Variants in SHTN1 observed in about 807,000 individuals in gnomAD.
SHTN1 encodes the protein shootin-1.
In SHTN1, 42 loss-of-function variants were observed where a neutral mutation model predicts 83.1. That is an observed-to-expected ratio of 0.51 (90% CI 0.39 to 0.65). The LOEUF (loss-of-function observed/expected upper bound fraction) is 0.65. Ranked by LOEUF, SHTN1 falls within the 30% of genes least tolerant of loss-of-function variation. SHTN1 has a pLI of 0.00. For synonymous variants in SHTN1, 224 were observed against 247.7 expected (o/e 0.90, Z 0.90); for missense variants, 622 against 737.8 (o/e 0.84, Z 1.82).
intron 3 of SHTN1, among the ~76,000 whole-genome samples, chr10:116,964,944 C>A (rs965075338): frequency 3.3e-5 from 5 of 151,600 alleles, no homozygotes; most frequent in Non-Finnish European, 5.9e-5. Flanking sequence ...CCAGCCTGGG[C>A]AAAAAGAGCA....
At chr10:116,959,555 A>C (rs1194068903) in intron 4 of SHTN1, among the ~76,000 whole-genome samples, 1 of 152,188 alleles carries the variant, frequency 6.6e-6, no homozygotes, top group Non-Finnish European at 1.5e-5. Flanking sequence ...AATACATAAG[A>C]CAGAGATAAA....
At chr10:117,004,870 G>T in intron 1 of SHTN1, 152 bp downstream of exon 1, 1 of 622,432 alleles carries the variant, frequency 1.6e-6, no homozygotes, top group Non-Finnish European at 2.6e-6. Context: ...GGCCACGGAG[G>T]ACGCTTCTCT....
At chr10:117,121,983 G>C (rs1192506322) in intron 1 of SHTN1, among the ~76,000 whole-genome samples, 3 of 152,072 alleles carry the variant, frequency 2.0e-5, no homozygotes, top group Non-Finnish European at 4.4e-5. Flanking sequence ...AATGAGCTGA[G>C]ATCGCGCCAC....
intron 2 of SHTN1, among the ~76,000 whole-genome samples, chr10:117,041,157 G>A (rs1441827030): frequency 6.6e-6 from 1 of 150,406 alleles, no homozygotes; most frequent in East Asian, 2.0e-4. Context: ...TATTTCTGCA[G>A]CAAGCTCACA....
intron 2 of SHTN1, among the ~76,000 whole-genome samples, chr10:117,037,710 A>C (rs922644420): frequency 4.3e-4 from 66 of 152,152 alleles, no homozygotes; most frequent in African/African-American, 1.5e-3. Flanking sequence ...ACAGACAAAT[A>C]AATCAGTAAA....
intron 4 of SHTN1, among the ~76,000 whole-genome samples, chr10:116,954,887 A>C (rs889955314): frequency 2.0e-5 from 3 of 152,176 alleles, no homozygotes; most frequent in African/African-American, 7.2e-5. Flanking sequence ...ACTGAAGCTG[A>C]TGTGTAGAGA....
intron 1 of SHTN1, among the ~76,000 whole-genome samples, chr10:116,986,503 A>G (rs1459771964): frequency 6.6e-6 from 1 of 152,024 alleles, no homozygotes; most frequent in Admixed American, 6.6e-5. Flanking sequence ...AGGGGCCCCT[A>G]AACTTTTGTG....
chr10:117,005,414 GC>G, upstream of SHTN1: 3 of 1,144,358 alleles, frequency 2.6e-6, no homozygotes, highest in Non-Finnish European at 3.2e-6. Context: ...GGGCGGCCCT[GC>G]GTGGGGTCGC....
intron 9 of SHTN1, among the ~76,000 whole-genome samples, chr10:116,932,904 G>A (rs370263205): frequency 1.3e-5 from 2 of 152,140 alleles, no homozygotes; most frequent in Non-Finnish European, 2.9e-5. Context: ...TTCTAGGCAC[G>A]TATTATTTAC....
At chr10:117,111,353 GCA>G (rs748217473) in intron 1 of SHTN1, among the ~76,000 whole-genome samples, 4 of 151,694 alleles carry the variant, frequency 2.6e-5, no homozygotes, top group African/African-American at 7.3e-5. Flanking sequence ...GAGTACAGTA[GCA>G]CAGTCTCAGC....
At position 116,950,892 on chromosome 10, in the gene SHTN1, T is replaced by C. The variant is rs372076273; in HGVS notation, c.534+1017A>G. Among the ~76,000 whole-genome samples, 7 of 152,146 alleles carry C rather than the reference T, an allele frequency of 4.6e-5. No individual in the cohort carries two copies. The East Asian group carries it at 1.2e-3, about 25-fold the overall frequency. ...CATGGCCTCCAAGAAAATGACAATA[T>C]GTGTGTGCAAACTGAGGTAACTGGA... is the stretch of plus-strand genomic sequence containing the variant. On this transcript the variant is annotated intron_variant, in intron 6 of 16. Coordinates refer to ENST00000355371, the MANE Select transcript of SHTN1 (RefSeq NM_001127211.3).
At chr10:116,908,439 T>C (rs992569846) in intron 14 of SHTN1, among the ~76,000 whole-genome samples, 1 of 152,166 alleles carries the variant, frequency 6.6e-6, no homozygotes, top group African/African-American at 2.4e-5. Flanking sequence ...ACTGACAAGA[T>C]ACAGAAAATA....
intron 16 of SHTN1, among the ~76,000 whole-genome samples, chr10:116,892,877 C>G (rs1169133678): frequency 6.6e-6 from 1 of 152,056 alleles, no homozygotes; most frequent in Non-Finnish European, 1.5e-5. Context: ...ACTGTGTAGA[C>G]TATTGAAAAA....
At chr10:117,114,472 T>A (rs562175591) in intron 1 of SHTN1, among the ~76,000 whole-genome samples, 4 of 152,248 alleles carry the variant, frequency 2.6e-5, no homozygotes, top group African/African-American at 9.6e-5. Flanking sequence ...AATTGCACTT[T>A]CCCATATTAA....
intron 2 of SHTN1, among the ~76,000 whole-genome samples, chr10:117,037,727 G>A (rs999182460): frequency 2.0e-5 from 3 of 152,114 alleles, no homozygotes; most frequent in African/African-American, 7.2e-5. Context: ...TAAACCAGAG[G>A]CTGGGTGTGG....
At chr10:116,915,144 G>A (rs950967095) in intron 13 of SHTN1, among the ~76,000 whole-genome samples, 3 of 152,102 alleles carry the variant, frequency 2.0e-5, no homozygotes, top group East Asian at 1.9e-4. Flanking sequence ...ACTGTCTCTC[G>A]TAATGAGACA....
Position 116,915,243 on chromosome 10 carries a change from A to G in SHTN1, c.1305+132T>C. 6.6e-6 allele frequency: 4 copies of G among 610,012 alleles called. No individual in the cohort carries two copies. In the South Asian group the frequency reaches 9.0e-5, roughly 14 times the overall value. The allele number at this position is 610,012 out of a possible 1,614,324, so 37.8% of individuals were successfully genotyped here. A position where few individuals can be genotyped will look rare whatever the true frequency, so the allele number is the denominator to read the frequency against. ...TGAAACATGCTTATGTGGAAGTAAAAGCTTTTGTGACACATTAGCTTTATC... is the reference window on the plus strand; with the variant it reads ...TGAAACATGCTTATGTGGAAGTAAAGGCTTTTGTGACACATTAGCTTTATC... On this transcript the variant is annotated intron_variant, in intron 13 of 16. Transcript: ENST00000355371.
chr10:116,900,202 C>T lies in SHTN1; in HGVS notation c.1673+1563G>A, dbSNP rs551614013. 43 of 236,058 alleles carry T rather than the reference C, an allele frequency of 1.8e-4. No homozygotes were observed. In the South Asian group the frequency reaches 5.8e-3, roughly 32 times the overall value. 14.6% of individuals were successfully genotyped at this position (236,058 alleles called of 1,614,324 possible). On this transcript the variant is annotated intron_variant, in intron 16 of 16. Transcript: ENST00000355371. ...TAAAGAATGTCAAGAACCGAATAAT[C>T]GAGCATTAGGTTTCAAAGTTTAGAA... is the stretch of plus-strand genomic sequence containing the variant.
chr10:116,968,548 A>G (rs2133457298), intron 3 of SHTN1, 104 bp downstream of exon 3: 1 of 747,990 alleles, frequency 1.3e-6, no homozygotes, highest in East Asian at 2.7e-5. Context: ...TGCTTTCTTG[A>G]TTGTATGACC....
Sources: gnomAD v4.1 joint callset for allele counts (sites outside exome capture counted in the v4.1 genomes callset) on GRCh38, gnomAD v4.1.1 for gene constraint, MANE v1.5 for transcripts, NCBI Gene and HGNC (gene_info 2026-07-23, HGNC 2026-07-21) for gene names.